The following PPHLN1 variants were observed in gnomAD, a reference collection of about 807,000 sequenced individuals.
The protein encoded by PPHLN1 is periphilin-1.
In PPHLN1, 29 loss-of-function variants were observed where a neutral mutation model predicts 51.3. The ratio of observed to expected loss-of-function variants is 0.57; its 90% CI spans 0.42 to 0.77. PPHLN1 has a LOEUF of 0.77. PPHLN1 is among the 30% of genes least tolerant of loss of function. PPHLN1 has a pLI of 0.00. For missense variants in PPHLN1, 436 were observed against 438.4 expected, an observed-to-expected ratio of 0.99 and a Z score of 0.05; for synonymous variants, 147 against 147.8, an observed-to-expected ratio of 0.99 and a Z score of 0.04.
chr12:42,362,719 C>G (rs2074835150), intron 4 of PPHLN1, among the ~76,000 whole-genome samples: 1 of 152,194 alleles, frequency 6.6e-6, no homozygotes, highest in African/African-American at 2.4e-5. Context: ...ATTACCTTTT[C>G]TTTTATTGCA....
At chr12:42,415,500 C>T (rs2080294906) in intron 9 of PPHLN1, among the ~76,000 whole-genome samples, 1 of 152,168 alleles carries the variant, frequency 6.6e-6, no homozygotes, top group South Asian at 2.1e-4. Context: ...GACCAACAGG[C>T]AGTTTTTGTT....
chr12:42,385,064 T>G, intron 6 of PPHLN1, 68 bp downstream of exon 6: 1 of 1,459,924 alleles, frequency 6.8e-7, no homozygotes, highest in Non-Finnish European at 9.6e-7. Flanking sequence ...ATAGCGGTTA[T>G]GGAAATGGGG....
chr12:42,337,996 C>T lies in PPHLN1; in HGVS notation c.72+2022C>T, dbSNP rs185935834. ...ACGGGGTTTCACCGTGTTGGCCAGG[C>T]CGGTCTCGAATTCCTGACCTCAAGT... On this transcript the variant is annotated intron_variant, in intron 2 of 9. Transcript: ENST00000358314. Among the ~76,000 whole-genome samples, 587 of 152,098 alleles carry T rather than the reference C, an allele frequency of 3.9e-3. 4 individuals carry two copies. Among genetic ancestry groups the T allele is most frequent in the Non-Finnish European group, 6.7e-3 (457 of 67,986 alleles).
At position 42,385,772 on chromosome 12, in the gene PPHLN1, T is replaced by A. The variant is rs77794598; in HGVS notation, c.568+776T>A. Among the ~76,000 whole-genome samples, 705 of 152,314 alleles carry A rather than the reference T, an allele frequency of 4.6e-3. 7 individuals carry two copies. Among genetic ancestry groups the A allele is most frequent in the African/African-American group, 0.016 (678 of 41,566 alleles). On this transcript the variant is annotated intron_variant, in intron 6 of 9. Coordinates refer to ENST00000358314, the MANE Select transcript of PPHLN1 (RefSeq NM_201439.2). ...TTCATCTTTTTATCTGATTTTCGAG[T>A]GCCTACCCTTTTCTTGAAGGACTTG...
chr12:42,432,850 C>T (rs576995431), intron 9 of PPHLN1, among the ~76,000 whole-genome samples: 2 of 152,240 alleles, frequency 1.3e-5, no homozygotes, highest in African/African-American at 2.4e-5. Context: ...GCATCAGCTT[C>T]ATACAAATAC....
rs529175261 is a variant in PPHLN1, at chr12:42,380,536, A to G, written c.512-4404A>G. ...AGATAGAGTCCATTTTTGAATGTCA[A>G]TCTAATAGAAAAAGACATACGTCTT... On this transcript the variant is annotated intron_variant, in intron 5 of 9. Transcript: ENST00000358314. 5.3e-5 allele frequency among the ~76,000 whole-genome samples: 8 copies of G among 152,270 alleles called. No homozygotes were observed. The East Asian group carries it at 1.2e-3, about 22-fold the overall frequency.
intron 9 of PPHLN1, among the ~76,000 whole-genome samples, chr12:42,407,155 G>A (rs770120922): frequency 6.6e-6 from 1 of 152,126 alleles, no homozygotes; most frequent in Non-Finnish European, 1.5e-5. Context: ...TTTTTTAAGA[G>A]TGTGTCTGTA....
At chr12:42,326,702 GT>G (rs2068832343) in intron 1 of PPHLN1, among the ~76,000 whole-genome samples, 1 of 152,196 alleles carries the variant, frequency 6.6e-6, no homozygotes. Flanking sequence ...ATGGACAAGT[GT>G]TGATCTTCTT....
chr12:42,440,785 G>A (rs2082874742), intron 9 of PPHLN1, among the ~76,000 whole-genome samples: 1 of 152,240 alleles, frequency 6.6e-6, no homozygotes, highest in African/African-American at 2.4e-5. Flanking sequence ...CGCCATGTTG[G>A]CCAGGCTAAT....
intron 9 of PPHLN1, among the ~76,000 whole-genome samples, chr12:42,417,903 GA>G (rs59776476): frequency 2.3e-4 from 22 of 97,446 alleles, no homozygotes; most frequent in South Asian, 3.1e-4. Flanking sequence ...AGGGAAAAAA[GA>G]AAAAAAAAAG....
At chr12:42,394,657 G>C (rs2078038746) in intron 8 of PPHLN1, among the ~76,000 whole-genome samples, 10 of 152,026 alleles carry the variant, frequency 6.6e-5, no homozygotes, top group Admixed American at 6.5e-4. Flanking sequence ...TTGTTCTTAA[G>C]TGGGTCAAGG....
At chr12:42,421,400 A>T (rs1209461263) in intron 9 of PPHLN1, among the ~76,000 whole-genome samples, 1 of 152,122 alleles carries the variant, frequency 6.6e-6, no homozygotes, top group Non-Finnish European at 1.5e-5. Flanking sequence ...AGGCTGGAGT[A>T]CAGTGGTCCG....
At chr12:42,352,573 C>A (rs76769335) in intron 3 of PPHLN1, among the ~76,000 whole-genome samples, 4,208 of 151,666 alleles carry the variant, frequency 0.028, 217 homozygotes, top group African/African-American at 0.097. Flanking sequence ...CCGTGCCTGG[C>A]TAATTTTTGT....
downstream of PPHLN1, chr12:42,445,262 AT>A: frequency 1.7e-6 from 1 of 597,072 alleles, no homozygotes; most frequent in South Asian, 2.0e-5. Context: ...AATCACATCA[AT>A]TTTTCCACCA....
intron 1 of PPHLN1, among the ~76,000 whole-genome samples, chr12:42,334,101 T>A (rs188337986): frequency 3.3e-5 from 5 of 152,330 alleles, no homozygotes; most frequent in African/African-American, 4.8e-5. Context: ...CTCTTTAGAC[T>A]GAAACCTTTA....
At chr12:42,429,803 G>A (rs2081870415) in intron 9 of PPHLN1, among the ~76,000 whole-genome samples, 1 of 152,196 alleles carries the variant, frequency 6.6e-6, no homozygotes, top group African/African-American at 2.4e-5. Context: ...AAGATGCAAA[G>A]CTCATCCTCC....
At chr12:42,349,946 C>A (rs919022952) in intron 2 of PPHLN1, among the ~76,000 whole-genome samples, 2 of 152,116 alleles carry the variant, frequency 1.3e-5, no homozygotes, top group African/African-American at 4.8e-5. Flanking sequence ...GGGTGGTGGC[C>A]CGGCAGAGGG....
chr12:42,400,172 A>G (rs1246707697), intron 9 of PPHLN1: 5 of 151,954 alleles, frequency 3.3e-5, no homozygotes, highest in African/African-American at 1.2e-4. Flanking sequence ...TAGCAGGCTT[A>G]CAAGAAATAC....
chr12:42,430,937 T>G (rs2081986409), intron 9 of PPHLN1, among the ~76,000 whole-genome samples: 1 of 152,274 alleles, frequency 6.6e-6, no homozygotes, highest in Admixed American at 6.5e-5. Context: ...GTAGTTTATA[T>G]AGAATAAGCC....
Sources: allele counts gnomAD v4.1 joint callset (sites outside exome capture counted in the v4.1 genomes callset), GRCh38; gene constraint gnomAD v4.1.1; transcripts MANE v1.5; gene names NCBI Gene and HGNC (gene_info 2026-07-23, HGNC 2026-07-21).